The following AKAP3 variants were observed in gnomAD, a reference collection of about 807,000 sequenced individuals.
AKAP3 encodes the protein A-kinase anchor protein 3.
Under a neutral mutation model 57.2 loss-of-function variants are expected in AKAP3, and 27 were observed. That is an observed-to-expected ratio of 0.47 (90% CI 0.35 to 0.65). The LOEUF (loss-of-function observed/expected upper bound fraction) is 0.65. Ranked by LOEUF, AKAP3 falls within the 30% of genes least tolerant of loss-of-function variation. The pLI is 0.01. For missense variants in AKAP3, 959 were observed against 1,040.0 expected (o/e 0.92, Z 1.07); for synonymous variants, 334 against 392.3 (o/e 0.85, Z 1.76).
chr12:4,627,419 C>T lies in AKAP3; in HGVS notation c.1483G>A (p.Glu495Lys). The T allele has an allele frequency of 6.2e-7, 1 of 1,613,914 alleles. No individual in the cohort carries two copies. Among genetic ancestry groups the T allele is most frequent in the Non-Finnish European group, 8.5e-7 (1 of 1,179,948 alleles). The change falls in exon 5 of 6, where the codon GAG (glutamate) becomes AAG (lysine). Residue 495 changes from glutamate to lysine, a missense_variant. Transcript: ENST00000228850. ...AGGTTGCCAATATCTTCAGGGTACT[C>T]AAAGGAAATGTCTGATGCAGGCTTA... is the stretch of plus-strand genomic sequence containing the variant. ...QRKPASDISF[E>K]YPEDIGNLSL...
In AKAP3 at chr12:4,615,838, C is replaced by T; in HGVS notation, c.2463G>A (p.Leu821=). Residue 821 remains leucine (L), a synonymous_variant, in exon 6 of 6, where the codon CTG becomes CTA. Transcript: ENST00000228850. ...CCTTCTCATAGCGCAGCACCGACTG[C>T]AGAACCTCGCCCACACTGCATCCTT... ...VDKGCSVGEV[L]QSVLRYEKER... is the part of the protein sequence containing the mutation. The T allele has an allele frequency of 6.2e-7, 1 of 1,614,226 alleles. No homozygotes were observed. Among genetic ancestry groups the T allele is most frequent in the East Asian group, 2.2e-5 (1 of 44,882 alleles).
chr12:4,647,656 G>A (rs1945715372), intron 1 of AKAP3, among the ~76,000 whole-genome samples: 1 of 152,164 alleles, frequency 6.6e-6, no homozygotes, highest in Non-Finnish European at 1.5e-5. Flanking sequence ...TGACAGTCAG[G>A]ATCTGTTGAT....
In AKAP3 at chr12:4,635,766, C is replaced by T. The variant is rs1945557767; in HGVS notation, c.96+2335G>A. 4 of 717,596 alleles carry T rather than the reference C, an allele frequency of 5.6e-6. No homozygotes were observed. In the East Asian group the frequency reaches 7.4e-5, roughly 13 times the overall value. The allele number at this position is 717,596 out of a possible 1,614,324, so 44.5% of individuals were successfully genotyped here. A position where few individuals can be genotyped will look rare whatever the true frequency, so the allele number is the denominator to read the frequency against. The stretch of plus-strand genomic sequence containing the variant: ...CGGTATCATTCTTGACCAGCTGTAT[C>T]CTGTATTTCAAACTATACTGTAGTG... On this transcript the variant is annotated intron_variant, in intron 4 of 5. Coordinates refer to ENST00000228850, the MANE Select transcript of AKAP3 (RefSeq NM_001278309.2).
chr12:4,635,782 T>C, intron 4 of AKAP3: 1 of 707,658 alleles, frequency 1.4e-6, no homozygotes, highest in Admixed American at 2.1e-5. Flanking sequence ...TTTCAAACTA[T>C]ACTGTAGTGT....
Position 4,627,237 on chromosome 12 carries a change from G to A in AKAP3, c.1665C>T (p.Gly555=), listed in dbSNP as rs1336148758. The A allele has an allele frequency of 2.5e-6, 4 of 1,614,076 alleles. No homozygotes were observed. The highest frequency in any genetic ancestry group is 3.4e-6 in the Non-Finnish European group (4 of 1,179,988). Residue 555 remains glycine, a synonymous_variant, in exon 5 of 6, where the codon GGC becomes GGT. Coordinates refer to ENST00000228850, the MANE Select transcript of AKAP3 (RefSeq NM_001278309.2). ...GTTCATTGGCAGGAAAGTTGGTGGT[G>A]CCAGCAGCTTCAACGAAGCTCCGTG... ...RDARSFVEAA[G]TTNFPANEPP... is the part of the protein sequence containing the mutation.
Position 4,615,666 on chromosome 12 carries a change from G to T in AKAP3, c.*73C>A. ...TGTGAGGATATAGAGGGGGAGATGT[G>T]GAAGTGAGAAAGAAGGGCGGGGATA... On this transcript the variant is annotated 3_prime_UTR_variant, in exon 6 of 6. Coordinates refer to ENST00000228850, the MANE Select transcript of AKAP3 (RefSeq NM_001278309.2). The T allele has an allele frequency of 6.5e-7, 1 of 1,539,540 alleles. No individual in the cohort carries two copies. The highest frequency in any genetic ancestry group is 1.2e-5 in the South Asian group (1 of 80,968).
In AKAP3 at chr12:4,615,587, A is replaced by T; in HGVS notation, c.*152T>A. ...GGAAAATCTGCAAAATCCAGTGGCT[A>T]GCACAAGATGACATGTCTTTGATGA... is the stretch of plus-strand genomic sequence containing the variant. On this transcript the variant is annotated 3_prime_UTR_variant, in exon 6 of 6. Transcript: ENST00000228850. 1 of 989,410 alleles carries T rather than the reference A, an allele frequency of 1.0e-6. No individual in the cohort carries two copies. The highest frequency in any genetic ancestry group is 1.4e-6 in the Non-Finnish European group (1 of 705,620). The allele number at this position is 989,410 out of a possible 1,614,324, so 61.3% of individuals were successfully genotyped here. A position where few individuals can be genotyped will look rare whatever the true frequency, so the allele number is the denominator to read the frequency against.
chr12:4,633,929 T>C (rs866980500), intron 4 of AKAP3, among the ~76,000 whole-genome samples: 6 of 151,712 alleles, frequency 4.0e-5, no homozygotes, highest in Admixed American at 1.3e-4. Flanking sequence ...TTTTCATTAG[T>C]CCAACAGTTA....
At chr12:4,616,095 C>G (rs1945281999) in intron 5 of AKAP3, among the ~76,000 whole-genome samples, 1 of 152,230 alleles carries the variant, frequency 6.6e-6, no homozygotes, top group Non-Finnish European at 1.5e-5. Context: ...ACCCACCTGC[C>G]CATGATCTTG....
At position 4,625,364 on chromosome 12, in the gene AKAP3, C is replaced by T. The variant is rs3753147; in HGVS notation, c.2406+1132G>A. ...TCCACAGACTACACTTTAAGTAGCA[C>T]GTGTAGTCTTTTTAAGACCAAAGTC... On this transcript the variant is annotated intron_variant, in intron 5 of 5. Transcript: ENST00000228850. The surrounding 1 kb of genome is among the most constrained non-coding windows in gnomAD (Gnocchi z 5.4). 1.3e-5 allele frequency among the ~76,000 whole-genome samples: 2 copies of T among 152,086 alleles called. No homozygotes were observed. The highest frequency in any genetic ancestry group is 2.9e-5 in the Non-Finnish European group (2 of 68,022).
chr12:4,639,814 C>CTTTTTT (rs34820221), intron 3 of AKAP3, among the ~76,000 whole-genome samples: 2 of 111,128 alleles, frequency 1.8e-5, no homozygotes, highest in African/African-American at 6.5e-5. Context: ...ATTTTCTTGT[C>CTTTTTT]TTTTTTTTTT....
chr12:4,649,022 G>GT lies in AKAP3; in HGVS notation c.-523dup, dbSNP rs1945735807. On this transcript the variant is annotated 5_prime_UTR_variant, in exon 1 of 6. Coordinates refer to ENST00000228850, the MANE Select transcript of AKAP3 (RefSeq NM_001278309.2). ...AACCAACAATCTACCCGAAACCGTC[G>GT]TTTCTTGGTTAGCGCTTGCGCAGAC... 1 of 1,333,034 alleles carries GT rather than the reference G, an allele frequency of 7.5e-7. No individual in the cohort carries two copies. The highest frequency in any genetic ancestry group is 1.5e-5 in the African/African-American group (1 of 68,232). 82.6% of individuals were successfully genotyped at this position (1,333,034 alleles called of 1,614,324 possible). A position where few individuals can be genotyped will look rare whatever the true frequency, so the allele number is the denominator to read the frequency against.
At position 4,628,733 on chromosome 12, in the gene AKAP3, G is replaced by A. The variant is rs1486830928; in HGVS notation, c.169C>T (p.Gln57Ter). Residue 57 changes from glutamine to a stop codon, truncating the protein, a stop_gained, in exon 5 of 6, where the codon CAA (glutamine) becomes TAA (stop). Coordinates refer to ENST00000228850, the MANE Select transcript of AKAP3 (RefSeq NM_001278309.2). LOFTEE classifies it high-confidence loss of function. ...TCTCCGGGTTTGAACCGAACATCTTGGAACTCTGCTGTACTCTTCTCCAGG... is the reference window on the plus strand; with the variant it reads ...TCTCCGGGTTTGAACCGAACATCTTAGAACTCTGCTGTACTCTTCTCCAGG... ...RDLEKSTAEF[Q>*]DVRFKPGESF... 3 of 1,614,068 alleles carry A rather than the reference G, an allele frequency of 1.9e-6. No individual in the cohort carries two copies. Among genetic ancestry groups the A allele is most frequent in the East Asian group, 2.2e-5 (1 of 44,904 alleles).
chr12:4,623,905 G>C (rs1945376420), intron 5 of AKAP3, among the ~76,000 whole-genome samples: 1 of 152,154 alleles, frequency 6.6e-6, no homozygotes, highest in Admixed American at 6.5e-5. Context: ...ATGCACTGTT[G>C]GTTAAAGTGT....
Position 4,626,971 on chromosome 12 carries a change from T to G in AKAP3, c.1931A>C (p.Asp644Ala). The G allele has an allele frequency of 1.2e-6, 2 of 1,614,178 alleles. No homozygotes were observed. The highest frequency in any genetic ancestry group is 1.7e-6 in the Non-Finnish European group (2 of 1,180,040). Residue 644 changes from aspartate to alanine, a missense_variant, in exon 5 of 6, where the codon GAT (aspartate) becomes GCT (alanine). Coordinates refer to ENST00000228850, the MANE Select transcript of AKAP3 (RefSeq NM_001278309.2). ...CCCAGAAAGGGCACCAGGGGTCTCA[T>G]CATCCTCATATAGCCTGGGGGGAGA... ...ASSPPRLYED[D>A]ETPGALSGLT...
At chr12:4,628,856 A>G in intron 4 of AKAP3, 51 bp from the exon 5 acceptor site, 1 of 1,532,152 alleles carries the variant, frequency 6.5e-7, no homozygotes, top group Non-Finnish European at 8.8e-7. Flanking sequence ...AAGATATGGG[A>G]TATTCAAGAC....
At chr12:4,647,581 T>C (rs1945714691) in intron 1 of AKAP3, among the ~76,000 whole-genome samples, 1 of 152,106 alleles carries the variant, frequency 6.6e-6, no homozygotes, top group South Asian at 2.1e-4. Flanking sequence ...CATGAGGCAG[T>C]GTTTAACTTA....
intron 5 of AKAP3, among the ~76,000 whole-genome samples, chr12:4,623,190 G>A (rs1034120336): frequency 2.4e-4 from 37 of 152,178 alleles, no homozygotes; most frequent in African/African-American, 8.7e-4. Flanking sequence ...ATTGTCAAAA[G>A]CAGTGTGGCA....
At position 4,639,814 on chromosome 12, in the gene AKAP3, C is replaced by CTT. The variant is rs34820221; in HGVS notation, c.1-1620_1-1619dup. 2.7e-3 allele frequency among the ~76,000 whole-genome samples: 298 copies of CTT among 111,092 alleles called. 4 individuals are homozygous for CTT. The highest frequency in any genetic ancestry group is 8.6e-3 in the African/African-American group (265 of 30,924). 72.9% of individuals were successfully genotyped at this position (111,092 alleles called of 152,430 possible). On this transcript the variant is annotated intron_variant, in intron 3 of 5. Transcript: ENST00000228850. ...ATGGATATGTGCCACATTTTCTTGT[C>CTT]TTTTTTTTTTTTTTTTTTTTGAGAC... is the stretch of plus-strand genomic sequence containing the variant.
Sources: allele counts gnomAD v4.1 joint callset (sites outside exome capture counted in the v4.1 genomes callset), GRCh38; gene constraint gnomAD v4.1.1; non-coding constraint Gnocchi (gnomAD v3.1); transcripts MANE v1.5; gene names NCBI Gene and HGNC (gene_info 2026-07-23, HGNC 2026-07-21).